The following ARHGAP6 variants were observed in gnomAD, a reference collection of about 807,000 sequenced individuals.
ARHGAP6 encodes rho GTPase-activating protein 6.
Under a neutral mutation model 55.7 loss-of-function variants are expected in ARHGAP6, and 16 were observed. The ratio of observed to expected loss-of-function variants is 0.29; its 90% CI spans 0.19 to 0.44. The LOEUF is 0.44. ARHGAP6 is among the 20% of genes least tolerant of loss of function. The probability of loss-of-function intolerance (pLI) is 1.00; values close to 1 mark genes in which losing one functional copy is unlikely to be tolerated. For missense variants in ARHGAP6, 698 were observed against 808.9 expected (o/e 0.86, Z 1.66); for synonymous variants, 382 against 360.9 (o/e 1.06, Z -0.66).
At chrX:11,230,451 G>A (rs1205474342) in intron 2 of ARHGAP6, among the ~76,000 whole-genome samples, 2 of 111,213 alleles carry the variant, frequency 1.8e-5, no homozygotes, top group East Asian at 2.8e-4. Flanking sequence ...CTGCCTTGGC[G>A]TCCCAAAGTG....
At chrX:11,589,921 T>G (rs1310991190) in intron 1 of ARHGAP6, among the ~76,000 whole-genome samples, 1 of 112,184 alleles carries the variant, frequency 8.9e-6, no homozygotes, top group Non-Finnish European at 1.9e-5. Flanking sequence ...CATTGGAATT[T>G]ACAAGGTAAT....
rs144744300 is a variant in ARHGAP6, at chrX:11,608,947, C to A, written c.588+55294G>T. Among the ~76,000 whole-genome samples, 694 of 111,758 alleles carry A rather than the reference C, an allele frequency of 6.2e-3. 3 individuals carry two copies. The highest frequency in any genetic ancestry group is 0.022 in the African/African-American group (673 of 30,729). ...AACGGACTAATACACCCACCTAAGG[C>A]ATGGCTAACCACCTATGGGGCACCA... On this transcript the variant is annotated intron_variant, in intron 1 of 12. Transcript: ENST00000337414.
chrX:11,261,577 G>T (rs1207325726), intron 1 of ARHGAP6, among the ~76,000 whole-genome samples: 2 of 111,679 alleles, frequency 1.8e-5, no homozygotes, highest in South Asian at 3.7e-4. Flanking sequence ...GAAAATGGAT[G>T]ATTTCAAATT....
chrX:11,431,598 A>G (rs1292688640), intron 1 of ARHGAP6, among the ~76,000 whole-genome samples: 2 of 111,825 alleles, frequency 1.8e-5, no homozygotes, highest in Non-Finnish European at 3.8e-5. Context: ...TAACAGAGTT[A>G]CTATGAGACC....
chrX:11,656,043 G>A (rs932493174), intron 1 of ARHGAP6, among the ~76,000 whole-genome samples: 1 of 112,577 alleles, frequency 8.9e-6, no homozygotes, highest in Non-Finnish European at 1.9e-5. Context: ...TACAAATGGA[G>A]CCTTCTCAGG....
chrX:11,570,908 C>A (rs932118001), intron 1 of ARHGAP6, among the ~76,000 whole-genome samples: 2 of 111,202 alleles, frequency 1.8e-5, no homozygotes, highest in African/African-American at 6.5e-5. Flanking sequence ...GAGGGCTCAG[C>A]CCTAATAAGT....
intron 1 of ARHGAP6, among the ~76,000 whole-genome samples, chrX:11,573,027 G>A (rs1466924832): frequency 3.6e-4 from 40 of 111,556 alleles, no homozygotes; most frequent in African/African-American, 1.3e-3. Flanking sequence ...CCCACTTTTT[G>A]ATGGGGTTGT....
chrX:11,506,327 G>T (rs913708651), intron 1 of ARHGAP6, among the ~76,000 whole-genome samples: 2 of 110,849 alleles, frequency 1.8e-5, no homozygotes, highest in Non-Finnish European at 3.8e-5. Flanking sequence ...TACCATGGTG[G>T]TTTGCCGCAC....
chrX:11,627,055 A>G (rs920664614), intron 1 of ARHGAP6, among the ~76,000 whole-genome samples: 9 of 111,843 alleles, frequency 8.0e-5, no homozygotes, highest in Non-Finnish European at 1.1e-4. Flanking sequence ...TAAACATACC[A>G]TACAAAAAAA....
chrX:11,402,744 G>A (rs1465156378), intron 1 of ARHGAP6, among the ~76,000 whole-genome samples: 1 of 111,916 alleles, frequency 8.9e-6, no homozygotes, highest in African/African-American at 3.3e-5. Flanking sequence ...TTCTCTCAGA[G>A]CTCTGTTACA....
intron 1 of ARHGAP6, among the ~76,000 whole-genome samples, chrX:11,630,510 G>C (rs1353722398): frequency 1.8e-5 from 2 of 112,168 alleles, no homozygotes; most frequent in African/African-American, 3.2e-5. Context: ...TGAGGGTGGG[G>C]ACCATGTCTC....
chrX:11,463,685 G>A (rs1263254114), intron 1 of ARHGAP6, among the ~76,000 whole-genome samples: 1 of 111,958 alleles, frequency 8.9e-6, no homozygotes, highest in Non-Finnish European at 1.9e-5. Flanking sequence ...ACTCATGAGT[G>A]TGTCCCCCTG....
chrX:11,351,283 T>C (rs5935025), intron 1 of ARHGAP6: 32,960 of 835,612 alleles, frequency 0.039, 690 homozygotes, highest in African/African-American at 0.13. Context: ...AAAAATGAAC[T>C]TTACATTCTA....
chrX:11,140,207 A>T (rs1170354858), intron 12 of ARHGAP6, among the ~76,000 whole-genome samples: 1 of 108,849 alleles, frequency 9.2e-6, no homozygotes, highest in African/African-American at 3.4e-5. Flanking sequence ...AAAAATAAAA[A>T]AAAAAATTAA....
intron 1 of ARHGAP6, among the ~76,000 whole-genome samples, chrX:11,597,768 G>T (rs1308384238): frequency 9.0e-6 from 1 of 111,494 alleles, no homozygotes; most frequent in African/African-American, 3.3e-5. Context: ...TACAAGTGAG[G>T]GGCCATGAGA....
rs1194157136 is a variant in ARHGAP6 at position 11,407,981 on chromosome X, C to A, written c.589-153274G>T. 3.6e-5 allele frequency among the ~76,000 whole-genome samples: 4 copies of A among 110,989 alleles called. No individual in the cohort carries two copies. The South Asian group carries it at 1.2e-3, about 32-fold the overall frequency. On this transcript the variant is annotated intron_variant, in intron 1 of 12. Transcript: ENST00000337414. ...TAATCTTAAGCCTGGGATTTGTGAG[C>A]TAACTATAAATCACTTAACCAAAGC...
chrX:11,287,387 G>C (rs1161664600), intron 1 of ARHGAP6, among the ~76,000 whole-genome samples: 1 of 111,898 alleles, frequency 8.9e-6, no homozygotes, highest in Non-Finnish European at 1.9e-5. Context: ...AGAGCCCAGG[G>C]GTCTTGCGTC....
At position 11,663,698 on chromosome X, in the gene ARHGAP6, A is replaced by G. The variant is rs773506910; in HGVS notation, c.588+543T>C. On this transcript the variant is annotated intron_variant, in intron 1 of 12. Coordinates refer to ENST00000337414, the MANE Select transcript of ARHGAP6 (RefSeq NM_013427.3). ...GTTAAACTAATACTCAGTACCATAGATTTCTGAAATTGCCCCTTCAGGGAA... is the reference window on the plus strand; with the variant it reads ...GTTAAACTAATACTCAGTACCATAGGTTTCTGAAATTGCCCCTTCAGGGAA... Among the ~76,000 whole-genome samples, 3 of 111,684 alleles carry G rather than the reference A, an allele frequency of 2.7e-5. No homozygotes were observed. The South Asian group carries it at 1.1e-3, about 43-fold the overall frequency.
At chrX:11,398,711 C>T (rs1228209597) in intron 1 of ARHGAP6, among the ~76,000 whole-genome samples, 1 of 111,515 alleles carries the variant, frequency 9.0e-6, no homozygotes, top group South Asian at 3.8e-4. Flanking sequence ...TATAACAATG[C>T]ATTCTTTTCT....
Sources: allele counts gnomAD v4.1 joint callset (sites outside exome capture counted in the v4.1 genomes callset), GRCh38; gene constraint gnomAD v4.1.1; transcripts MANE v1.5; gene names NCBI Gene and HGNC (gene_info 2026-07-23, HGNC 2026-07-21).